IL17RD: variants seen among roughly 807,000 people sequenced by gnomAD.
The protein encoded by IL17RD is interleukin-17 receptor D.
IL17RD carries 52 observed loss-of-function variants against 80.5 expected under a neutral mutation model. The ratio of observed to expected loss-of-function variants is 0.65; its 90% CI spans 0.52 to 0.81. The LOEUF (loss-of-function observed/expected upper bound fraction) is 0.81. Ranked by LOEUF, IL17RD falls within the 40% of genes least tolerant of loss-of-function variation. The pLI is 0.00. For synonymous variants in IL17RD, 416 were observed against 391.8 expected (o/e 1.06, Z -0.73); for missense variants, 1,024 against 955.1 (o/e 1.07, Z -0.95).
chr3:57,134,434 G>A (rs2107518847), intron 1 of IL17RD: 2 of 770,272 alleles, frequency 2.6e-6, no homozygotes, highest in East Asian at 2.5e-5. Context: ...AGGAGAATGC[G>A]GATTCTGTGC....
chr3:57,160,962 G>A (rs1007581711), intron 1 of IL17RD, among the ~76,000 whole-genome samples: 5 of 152,236 alleles, frequency 3.3e-5, no homozygotes, highest in East Asian at 1.9e-4. Flanking sequence ...TCCTGGTCAC[G>A]GAGCTATATG....
Position 57,104,450 on chromosome 3 carries a change from C to T in IL17RD, c.748-43G>A, listed in dbSNP as rs193204620. 3,380 of 1,356,262 alleles carry T rather than the reference C, an allele frequency of 2.5e-3. 9 individuals carry two copies. The highest frequency in any genetic ancestry group is 2.9e-3 in the Non-Finnish European group (2,784 of 956,360). The allele number at this position is 1,356,262 out of a possible 1,614,324, so 84.0% of individuals were successfully genotyped here. A position where few individuals can be genotyped will look rare whatever the true frequency, so the allele number is the denominator to read the frequency against. ...ACACTTTAAAAACTCACTTCTTGGGCAAAGGTCTTCAGGACACCTCTTCTC... is the reference window on the plus strand; with the variant it reads ...ACACTTTAAAAACTCACTTCTTGGGTAAAGGTCTTCAGGACACCTCTTCTC... On this transcript the variant is annotated intron_variant, in intron 7 of 12. Coordinates refer to ENST00000296318, the MANE Select transcript of IL17RD (RefSeq NM_017563.5).
chr3:57,141,517 C>T (rs183634193), intron 1 of IL17RD, among the ~76,000 whole-genome samples: 1 of 152,260 alleles, frequency 6.6e-6, no homozygotes. Flanking sequence ...ATACTATATA[C>T]AATTGAATAT....
chr3:57,108,089 T>C (rs1340409249), intron 5 of IL17RD, among the ~76,000 whole-genome samples: 1 of 151,942 alleles, frequency 6.6e-6, no homozygotes, highest in Non-Finnish European at 1.5e-5. Flanking sequence ...AGATGGAGTC[T>C]TGCTCTGTGG....
intron 1 of IL17RD, among the ~76,000 whole-genome samples, chr3:57,127,466 C>G (rs890392406): frequency 6.9e-6 from 1 of 144,692 alleles, no homozygotes; most frequent in Non-Finnish European, 1.5e-5. Flanking sequence ...AGTGCAATAG[C>G]GTGATCTTGG....
At chr3:57,108,197 T>C (rs1707007990) in intron 5 of IL17RD, among the ~76,000 whole-genome samples, 1 of 151,384 alleles carries the variant, frequency 6.6e-6, no homozygotes, top group African/African-American at 2.4e-5. Flanking sequence ...GAAGCTGAGA[T>C]TACAGGCACA....
At position 57,099,186 on chromosome 3, in the gene IL17RD, A is replaced by G. The variant is rs142863543; in HGVS notation, c.1165-648T>C. On this transcript the variant is annotated intron_variant, in intron 11 of 12. Coordinates refer to ENST00000296318, the MANE Select transcript of IL17RD (RefSeq NM_017563.5). The stretch of plus-strand genomic sequence containing the variant: ...GCTGGAGAGGAGGCTAGTGAACTGC[A>G]TTAACATGGTCATTCTGAGTAACTC... 4.1e-3 allele frequency among the ~76,000 whole-genome samples: 619 copies of G among 152,340 alleles called. 2 individuals carry two copies. The highest frequency in any genetic ancestry group is 7.5e-3 in the Admixed American group (115 of 15,302).
At chr3:57,148,589 A>C (rs763033585) in intron 1 of IL17RD, among the ~76,000 whole-genome samples, 10 of 152,228 alleles carry the variant, frequency 6.6e-5, no homozygotes, top group Non-Finnish European at 1.3e-4. Context: ...TCATTCTTTT[A>C]TAACACATTT....
chr3:57,114,622 C>G (rs1402724756), intron 3 of IL17RD, 70 bp downstream of exon 3: 2 of 1,446,810 alleles, frequency 1.4e-6, no homozygotes, highest in South Asian at 1.5e-5. Flanking sequence ...TGGAGACCAT[C>G]ATGTGGGACC....
chr3:57,119,418 G>A (rs2107497440), intron 2 of IL17RD, among the ~76,000 whole-genome samples: 1 of 151,826 alleles, frequency 6.6e-6, no homozygotes, highest in East Asian at 1.9e-4. Context: ...AATCCCAGCT[G>A]CTCAGGAGGC....
upstream of IL17RD, among the ~76,000 whole-genome samples, chr3:57,167,417 G>C (rs1579332580): frequency 1.3e-5 from 2 of 152,094 alleles, no homozygotes; most frequent in African/African-American, 4.8e-5. Context: ...ACTGTCCCTG[G>C]GTTGTTCTCA....
Position 57,102,499 on chromosome 3 carries a change from A to G in IL17RD, c.959T>C (p.Met320Thr), listed in dbSNP as rs1359887033. The G allele has an allele frequency of 1.9e-6, 3 of 1,564,312 alleles. No individual in the cohort carries two copies. The highest frequency in any genetic ancestry group is 2.3e-5 in the South Asian group (2 of 86,256). ...GATACCTTGTTGCTTCTTGCGGCAC[A>G]TCACAGTGAAGAGCGTCGCGAATGC... ...ISAFATLFTV[M>T]CRKKQQENIY... is the part of the protein sequence containing the mutation. The change falls in exon 10 of 13, where the codon ATG becomes ACG. Residue 320 changes from methionine to threonine, a missense_variant. Transcript: ENST00000296318.
chr3:57,097,533 C>T, intron 12 of IL17RD, 63 bp downstream of exon 12: 1 of 1,330,166 alleles, frequency 7.5e-7, no homozygotes, highest in Non-Finnish European at 1.1e-6. Flanking sequence ...AACGCTTTGA[C>T]TGATTTCAGA....
chr3:57,110,170 G>A lies in IL17RD; in HGVS notation c.429+23C>T, dbSNP rs1249906645. The A allele has an allele frequency of 2.6e-6, 4 of 1,567,882 alleles. No individual in the cohort carries two copies. The Admixed American group carries it at 5.7e-5, about 22-fold the overall frequency. ...CTGGAACAATGGCATGTCTTCAGGA[G>A]CACGTTCCCCAGTGTGACTTACAGT... On this transcript the variant is annotated intron_variant, in intron 4 of 12. Coordinates refer to ENST00000296318, the MANE Select transcript of IL17RD (RefSeq NM_017563.5).
chr3:57,112,515 G>T (rs1055837102), intron 3 of IL17RD, among the ~76,000 whole-genome samples: 4 of 152,164 alleles, frequency 2.6e-5, no homozygotes, highest in Admixed American at 6.5e-5. Context: ...CCTACTGGTC[G>T]ATGTTCAGTT....
chr3:57,096,798 T>C (rs1476174005), intron 12 of IL17RD, among the ~76,000 whole-genome samples: 1 of 152,000 alleles, frequency 6.6e-6, no homozygotes, highest in African/African-American at 2.4e-5. Flanking sequence ...TCACTTGAGG[T>C]CAGGAGTTTG....
Position 57,096,366 on chromosome 3 carries a change from T to C in IL17RD, c.*27A>G. ...AATCAGAGGGAGGCAGCAGCTAAAG[T>C]GGCAATGCTTAGACTCTTTCGTTTT... On this transcript the variant is annotated 3_prime_UTR_variant, in exon 13 of 13. Transcript: ENST00000296318. 6.8e-7 allele frequency: 1 copy of C among 1,474,594 alleles called. No individual in the cohort carries two copies. Among genetic ancestry groups the C allele is most frequent in the South Asian group, 1.1e-5 (1 of 88,236 alleles). 91.3% of individuals were successfully genotyped at this position (1,474,594 alleles called of 1,614,324 possible).
intron 5 of IL17RD, among the ~76,000 whole-genome samples, chr3:57,106,567 G>A (rs1448169839): frequency 6.6e-6 from 1 of 152,204 alleles, no homozygotes; most frequent in Non-Finnish European, 1.5e-5. Context: ...GAACTTTGGA[G>A]TGGTCCTGGT....
chr3:57,160,805 G>C (rs2060299554), intron 1 of IL17RD, among the ~76,000 whole-genome samples: 1 of 152,186 alleles, frequency 6.6e-6, no homozygotes, highest in African/African-American at 2.4e-5. Flanking sequence ...ATCCTCAAAA[G>C]AATTTGTTAA....
Sources: gnomAD v4.1 joint callset for allele counts (sites outside exome capture counted in the v4.1 genomes callset) on GRCh38, gnomAD v4.1.1 for gene constraint, MANE v1.5 for transcripts, NCBI Gene and HGNC (gene_info 2026-07-23, HGNC 2026-07-21) for gene names.